The following CDON variants were observed in gnomAD, a reference collection of about 807,000 sequenced individuals.
The protein encoded by CDON is cell adhesion associated, oncogene regulated, also known as cell adhesion molecule-related/down-regulated by oncogenes.
CDON carries 73 observed loss-of-function variants against 120.9 expected under a neutral mutation model. That is an observed-to-expected ratio of 0.60 (90% CI 0.50 to 0.73). The LOEUF is 0.73. Ranked by LOEUF, CDON falls within the 30% of genes least tolerant of loss-of-function variation. CDON has a pLI of 0.00. For synonymous variants in CDON, 566 were observed against 573.5 expected (o/e 0.99, Z 0.19); for missense variants, 1,470 against 1,587.3 (o/e 0.93, Z 1.26).
intron 18 of CDON, 105 bp from the exon 19 acceptor site, chr11:125,962,103 T>TA: frequency 1.2e-6 from 1 of 866,894 alleles, no homozygotes; most frequent in Non-Finnish European, 1.9e-6. Context: ...CACAGACTCT[T>TA]AAGAAAGAGT....
intron 18 of CDON, among the ~76,000 whole-genome samples, chr11:125,970,129 T>C (rs1945926009): frequency 6.6e-6 from 1 of 152,042 alleles, no homozygotes; most frequent in African/African-American, 2.4e-5. Flanking sequence ...CATGCATATA[T>C]TCTTGAGACT....
In CDON at chr11:126,017,113, A is replaced by G. The variant is rs914872090; in HGVS notation, c.903T>C (p.Tyr301=). The G allele has an allele frequency of 2.5e-6, 4 of 1,614,068 alleles. No individual in the cohort carries two copies. In the South Asian group the frequency reaches 3.3e-5, roughly 13 times the overall value. ...MAGNKSGDVK[Y]VTYMVNVLEH... is the part of the protein sequence containing the mutation. Reference sequence around the variant, plus strand: ...CAAGTACATTAACCATGTAAGTCACATATTTTACATCTCCAGACTTGTTTC... The same window carrying G: ...CAAGTACATTAACCATGTAAGTCACGTATTTTACATCTCCAGACTTGTTTC... The change falls in exon 6 of 20, where the codon TAT becomes TAC. Residue 301 remains tyrosine, a synonymous_variant. Coordinates refer to ENST00000531738, the MANE Select transcript of CDON (RefSeq NM_001378964.1).
chr11:125,963,136 T>C (rs1306544084), intron 18 of CDON, among the ~76,000 whole-genome samples: 2 of 152,142 alleles, frequency 1.3e-5, no homozygotes, highest in African/African-American at 4.8e-5. Flanking sequence ...CAGAAACCCA[T>C]AAACTCATAA....
chr11:125,976,874 C>T (rs1166387154), intron 18 of CDON, among the ~76,000 whole-genome samples: 2 of 152,170 alleles, frequency 1.3e-5, no homozygotes, highest in African/African-American at 4.8e-5. Context: ...ACGTTACTTT[C>T]GCAAGATCAC....
At chr11:126,023,149 ATTT>A (rs5795474) in intron 2 of CDON, among the ~76,000 whole-genome samples, 4 of 151,752 alleles carry the variant, frequency 2.6e-5, no homozygotes, top group African/African-American at 7.2e-5. Context: ...GAAAATATGT[ATTT>A]TTTTTTAAAA....
rs1276264778 is a variant in CDON at position 126,034,441 on chromosome 11, G to A, written c.-61-10904C>T. Among the ~76,000 whole-genome samples, 1 of 152,100 alleles carries A rather than the reference G, an allele frequency of 6.6e-6. No homozygotes were observed. The highest frequency in any genetic ancestry group is 1.5e-5 in the Non-Finnish European group (1 of 68,024). On this transcript the variant is annotated intron_variant, in intron 1 of 19. Transcript: ENST00000531738. This position sits in a 1 kb window ranked among gnomAD's most constrained non-coding sequence, Gnocchi z 4.5. ...ACACGCAGAAAAAGGCAACAGTGAG[G>A]GGCTGCCAGCTGCAACAGGAATCAA...
intron 6 of CDON, 143 bp from the exon 7 acceptor site, chr11:126,015,653 G>T: frequency 1.2e-6 from 1 of 856,822 alleles, no homozygotes. Flanking sequence ...GTCTGCTGTG[G>T]TAATCAAGAA....
intron 18 of CDON, among the ~76,000 whole-genome samples, chr11:125,971,416 A>G (rs1410893700): frequency 6.6e-6 from 1 of 150,408 alleles, no homozygotes; most frequent in Non-Finnish European, 1.5e-5. Context: ...ATAAATAATA[A>G]TAATTAATGT....
intron 1 of CDON, among the ~76,000 whole-genome samples, chr11:126,051,708 T>A (rs956139092): frequency 6.7e-6 from 1 of 149,480 alleles, no homozygotes; most frequent in Non-Finnish European, 1.5e-5. Flanking sequence ...AGTGCAATGG[T>A]GCAATCTTGG....
intron 18 of CDON, among the ~76,000 whole-genome samples, chr11:125,977,644 TTGGTAATCCTTGGGA>T (rs529966005): frequency 7.3e-4 from 111 of 152,296 alleles, no homozygotes; most frequent in Non-Finnish European, 1.4e-3. Context: ...AACAAAAAGC[TTGGTAATCCTTGGGA>T]TTACCATAGA....
chr11:125,972,241 C>A (rs926609730), intron 18 of CDON, among the ~76,000 whole-genome samples: 17 of 142,142 alleles, frequency 1.2e-4, no homozygotes, highest in Admixed American at 9.9e-4. Context: ...GCCTAGCCAA[C>A]ATGGCAAAAC....
At chr11:126,055,157 T>A (rs1948653108) in intron 1 of CDON, among the ~76,000 whole-genome samples, 1 of 152,134 alleles carries the variant, frequency 6.6e-6, no homozygotes. Flanking sequence ...AAACCAAAAC[T>A]GAAGACAAGG....
rs772521968 is a variant in CDON, at chr11:125,994,936, T to C, written c.2479A>G (p.Ile827Val). ...GFPNRFSSRP[I>V]TGPHIAYTEA... ...GTGTATGCAATGTGAGGTCCAGTTA[T>C]TGGACGGCTGGAAAAGCGATTGGGG... The change falls in exon 13 of 20, where the codon ATA becomes GTA. Residue 827 changes from isoleucine to valine, a missense_variant. Ile to Val is a conservative substitution (Grantham distance 29). Transcript: ENST00000531738. The C allele has an allele frequency of 5.6e-6, 9 of 1,613,990 alleles. No individual in the cohort carries two copies. In the African/African-American group the frequency reaches 6.7e-5, roughly 12 times the overall value.
chr11:126,004,458 A>G (rs1434234630), intron 9 of CDON: 1 of 242,110 alleles, frequency 4.1e-6, no homozygotes, highest in Non-Finnish European at 8.1e-6. Context: ...AATACACATA[A>G]TAGATACATG....
In CDON at chr11:125,994,313, T is replaced by C. The variant is rs745743030; in HGVS notation, c.2621A>G (p.Asp874Gly). Residue 874 changes from aspartate to glycine, a missense_variant, in exon 14 of 20, where the codon GAC (aspartate) becomes GGC (glycine). Asp to Gly is a moderately conservative substitution (Grantham distance 94, BLOSUM62 -1). Coordinates refer to ENST00000531738, the MANE Select transcript of CDON (RefSeq NM_001378964.1). ...IYYRPTDSDN[D>G]SDYKRDVVEG... ...TACAACATCCCTCTTGTAATCACTG[T>C]CATTGTCACTATCTGTTGGTCGGTA... is the stretch of plus-strand genomic sequence containing the variant. 1 of 1,601,142 alleles carries C rather than the reference T, an allele frequency of 6.2e-7. No individual in the cohort carries two copies. The highest frequency in any genetic ancestry group is 8.6e-7 in the Non-Finnish European group (1 of 1,168,274).
intron 18 of CDON, among the ~76,000 whole-genome samples, chr11:125,965,982 A>C (rs1264912075): frequency 3.3e-5 from 5 of 152,070 alleles, no homozygotes; most frequent in African/African-American, 1.2e-4. Flanking sequence ...TAAAAAATAC[A>C]AAAAATTAGC....
chr11:125,961,051 A>C lies in CDON; in HGVS notation c.3686T>G (p.Leu1229Arg). ...TEINIVSWNA[L>R]ILPPVPEGCA... is the part of the protein sequence containing the mutation. ...GCCCTCGGGGACAGGTGGCAAAATAAGAGCATTCCAACTTACAATGTTGAT... is the reference window on the plus strand; with the variant it reads ...GCCCTCGGGGACAGGTGGCAAAATACGAGCATTCCAACTTACAATGTTGAT... The change falls in exon 20 of 20, where the codon CTT (leucine) becomes CGT (arginine). Residue 1229 changes from leucine (L) to arginine (R), a missense_variant. Transcript: ENST00000531738. The C allele has an allele frequency of 6.2e-7, 1 of 1,613,986 alleles. No individual in the cohort carries two copies. Among genetic ancestry groups the C allele is most frequent in the East Asian group, 2.2e-5 (1 of 44,872 alleles).
In CDON at chr11:125,958,994, CAGAGCTA is replaced by C. The variant is rs1163951659; in HGVS notation, c.*1941_*1947del. ...AGTAAGGGATGCAGCTATCCCCCTC[CAGAGCTA>C]ACTGCATTTAAGCAACATGAAGAAT... On this transcript the variant is annotated 3_prime_UTR_variant, in exon 20 of 20. Coordinates refer to ENST00000531738, the MANE Select transcript of CDON (RefSeq NM_001378964.1). The C allele has an allele frequency of 6.6e-6, 1 of 152,174 alleles. No individual in the cohort carries two copies. Among genetic ancestry groups the C allele is most frequent in the Admixed American group, 6.5e-5 (1 of 15,282 alleles). 9.4% of individuals were successfully genotyped at this position (152,174 alleles called of 1,614,324 possible). A position where few individuals can be genotyped will look rare whatever the true frequency, so the allele number is the denominator to read the frequency against.
rs1279061888 is a variant in CDON at position 125,961,014 on chromosome 11, C to T, written c.3723G>A (p.Lys1241=). 1 of 1,614,004 alleles carries T rather than the reference C, an allele frequency of 6.2e-7. No homozygotes were observed. Among genetic ancestry groups the T allele is most frequent in the African/African-American group, 1.3e-5 (1 of 74,928 alleles). Residue 1241 remains lysine, a synonymous_variant, in exon 20 of 20, where the codon AAG becomes AAA. Coordinates refer to ENST00000531738, the MANE Select transcript of CDON (RefSeq NM_001378964.1). ...GAATGCCAGGTGGAGACCACATTGT[C>T]TTCTCAGCACAGCCCTCGGGGACAG... ...LPPVPEGCAE[K]TMWSPPGIPL...
Sources: gnomAD v4.1 joint callset for allele counts (sites outside exome capture counted in the v4.1 genomes callset) on GRCh38, gnomAD v4.1.1 for gene constraint, Gnocchi (gnomAD v3.1) non-coding constraint, MANE v1.5 for transcripts, NCBI Gene and HGNC (gene_info 2026-07-23, HGNC 2026-07-21) for gene names.